Variants in ERC2 observed in about 807,000 individuals in gnomAD.
ERC2 encodes the protein ELKS/RAB6-interacting/CAST family member 2.
In ERC2, 42 loss-of-function variants were observed where a neutral mutation model predicts 114.8. The ratio of observed to expected loss-of-function variants is 0.37; its 90% CI spans 0.29 to 0.47. The LOEUF is 0.47. ERC2 is among the 20% of genes least tolerant of loss of function. ERC2 has a pLI of 0.99. For missense variants in ERC2, 939 were observed against 1,150.7 expected (o/e 0.82, Z 2.66); for synonymous variants, 454 against 425.5 (o/e 1.07, Z -0.82).
intron 14 of ERC2, among the ~76,000 whole-genome samples, chr3:55,749,366 C>A (rs572549351): frequency 2.0e-5 from 3 of 152,314 alleles, no homozygotes; most frequent in Admixed American, 1.3e-4. Context: ...ATTTGAACTT[C>A]AAGGCATGGG....
intron 17 of ERC2, among the ~76,000 whole-genome samples, chr3:55,524,677 A>G (rs2053194784): frequency 6.6e-6 from 1 of 152,146 alleles, no homozygotes. Context: ...GTTAAAATCC[A>G]ATTTTAGTTG....
At chr3:55,807,588 T>G (rs2059539838) in intron 14 of ERC2, among the ~76,000 whole-genome samples, 1 of 151,896 alleles carries the variant, frequency 6.6e-6, no homozygotes, top group Non-Finnish European at 1.5e-5. Context: ...TGAGTTCCAA[T>G]AAAACTTTAT....
At chr3:55,788,976 G>T (rs539565352) in intron 14 of ERC2, among the ~76,000 whole-genome samples, 2 of 152,124 alleles carry the variant, frequency 1.3e-5, no homozygotes, top group Non-Finnish European at 2.9e-5. Context: ...AACCAGTCAC[G>T]AGTTCTCTAA....
intron 2 of ERC2, among the ~76,000 whole-genome samples, chr3:56,397,614 A>T (rs2060361479): frequency 1.3e-5 from 2 of 152,224 alleles, no homozygotes; most frequent in Admixed American, 6.5e-5. Flanking sequence ...GTTGCATCTT[A>T]TGGATACACC....
rs577801124 is a variant in ERC2 at position 56,144,193 on chromosome 3, C to CA, written c.1306-4518dup. Among the ~76,000 whole-genome samples, 289 of 152,290 alleles carry CA rather than the reference C, an allele frequency of 1.9e-3. 2 individuals are homozygous for CA. Among genetic ancestry groups the CA allele is most frequent in the Non-Finnish European group, 3.6e-3 (245 of 68,024 alleles). ...TCAGATATGTGCAGTTTCTGAAACA[C>CA]ATTATTTCTTTATAATTTAATGAAT... On this transcript the variant is annotated intron_variant, in intron 5 of 17. Coordinates refer to ENST00000288221, the MANE Select transcript of ERC2 (RefSeq NM_015576.3).
intron 3 of ERC2, among the ~76,000 whole-genome samples, chr3:56,199,706 A>G (rs1174026825): frequency 6.6e-6 from 1 of 151,928 alleles, no homozygotes; most frequent in Non-Finnish European, 1.5e-5. Context: ...TCAGGGTCTC[A>G]CTACGTTGCC....
intron 10 of ERC2, among the ~76,000 whole-genome samples, chr3:55,995,063 G>A (rs542612319): frequency 3.3e-5 from 5 of 152,252 alleles, no homozygotes; most frequent in South Asian, 4.2e-4. Flanking sequence ...GGCCGGGTGC[G>A]GTGGCTCACG....
At chr3:55,984,890 C>G (rs1559975067) in intron 12 of ERC2, among the ~76,000 whole-genome samples, 1 of 152,124 alleles carries the variant, frequency 6.6e-6, no homozygotes, top group East Asian at 1.9e-4. Flanking sequence ...AGTAGATGAG[C>G]AGGTTTGTGT....
intron 2 of ERC2, among the ~76,000 whole-genome samples, chr3:56,419,258 T>A (rs2061293714): frequency 1.3e-5 from 2 of 152,206 alleles, no homozygotes; most frequent in Admixed American, 1.3e-4. Flanking sequence ...GCCTACAGCA[T>A]AACTGCATTT....
chr3:56,123,184 A>G (rs539203027), intron 6 of ERC2, among the ~76,000 whole-genome samples: 3 of 152,244 alleles, frequency 2.0e-5, no homozygotes, highest in African/African-American at 2.4e-5. Flanking sequence ...CCCACCCCCA[A>G]AATTCATATG....
chr3:55,542,181 A>G (rs996712628), intron 17 of ERC2, among the ~76,000 whole-genome samples: 2 of 152,200 alleles, frequency 1.3e-5, no homozygotes, highest in Non-Finnish European at 2.9e-5. Flanking sequence ...CCTACAGAAG[A>G]GGTCAGTTCT....
chr3:55,897,860 T>C (rs530114376), intron 13 of ERC2, among the ~76,000 whole-genome samples: 8 of 152,330 alleles, frequency 5.3e-5, no homozygotes, highest in South Asian at 2.1e-4. Flanking sequence ...GCTTTCAGCC[T>C]GGACCTGACC....
intron 2 of ERC2, among the ~76,000 whole-genome samples, chr3:56,369,707 T>A (rs1367339367): frequency 6.6e-6 from 1 of 151,630 alleles, no homozygotes; most frequent in Admixed American, 6.6e-5. Context: ...AGACGGAGTC[T>A]CGCTCTTTTG....
intron 14 of ERC2, among the ~76,000 whole-genome samples, chr3:55,869,012 C>T (rs758117522): frequency 2.6e-4 from 39 of 152,024 alleles, no homozygotes; most frequent in Non-Finnish European, 4.4e-4. Flanking sequence ...TTTTCTAAAT[C>T]CTTCCTTATT....
At chr3:56,148,694 G>A (rs963597975) in intron 5 of ERC2, among the ~76,000 whole-genome samples, 2 of 152,158 alleles carry the variant, frequency 1.3e-5, no homozygotes, top group Admixed American at 6.6e-5. Context: ...TTGGAAGAGA[G>A]TGGACTATAA....
intron 14 of ERC2, among the ~76,000 whole-genome samples, chr3:55,885,147 T>C (rs1198056399): frequency 6.6e-6 from 1 of 152,204 alleles, no homozygotes; most frequent in African/African-American, 2.4e-5. Flanking sequence ...TAAAGATGCC[T>C]GTCTAAAGAT....
chr3:55,732,257 A>T (rs2065296609), intron 15 of ERC2, among the ~76,000 whole-genome samples: 1 of 152,210 alleles, frequency 6.6e-6, no homozygotes, highest in African/African-American at 2.4e-5. Flanking sequence ...TTGATAGCAC[A>T]TTAATCATTG....
intron 15 of ERC2, among the ~76,000 whole-genome samples, chr3:55,729,664 T>C (rs1040549881): frequency 3.3e-5 from 5 of 151,250 alleles, no homozygotes; most frequent in Non-Finnish European, 7.4e-5. Flanking sequence ...CGAGACCTTG[T>C]CTCTTCTAAA....
At chr3:55,767,655 C>G (rs9809043) in intron 14 of ERC2, among the ~76,000 whole-genome samples, 1 of 151,844 alleles carries the variant, frequency 6.6e-6, no homozygotes, top group Non-Finnish European at 1.5e-5. Context: ...GCACAGAGAC[C>G]CTCCTGCCAG....
Sources: allele counts gnomAD v4.1 joint callset (sites outside exome capture counted in the v4.1 genomes callset), GRCh38; gene constraint gnomAD v4.1.1; transcripts MANE v1.5; gene names NCBI Gene and HGNC (gene_info 2026-07-23, HGNC 2026-07-21).